HDAC6: variants seen among roughly 807,000 people sequenced by gnomAD.
HDAC6 encodes the protein histone deacetylase 6.
HDAC6 carries 5 observed loss-of-function variants against 88.9 expected under a neutral mutation model. That is an observed-to-expected ratio of 0.06 (90% CI 0.03 to 0.12). HDAC6 has a LOEUF of 0.12. Among genes scored for constraint, HDAC6 ranks in the 10% least tolerant of loss-of-function variants. The pLI is 1.00. For synonymous variants in HDAC6, 378 were observed against 398.0 expected (o/e 0.95, Z 0.60); for missense variants, 706 against 1,014.4 (o/e 0.70, Z 4.13).
intron 14 of HDAC6, 40 bp downstream of exon 14, chrX:48,815,091 G>A (rs2062962080): frequency 1.9e-6 from 2 of 1,061,662 alleles, no homozygotes; most frequent in Non-Finnish European, 2.6e-6. Flanking sequence ...GTGGATCCTG[G>A]AGGGCTTAAG....
At chrX:48,811,564 G>A (rs1412037949) in intron 10 of HDAC6, among the ~76,000 whole-genome samples, 8 of 112,160 alleles carry the variant, frequency 7.1e-5, no homozygotes, top group Non-Finnish European at 1.1e-4. Flanking sequence ...AATGTCCACT[G>A]ACAGGTTGCA....
intron 10 of HDAC6, among the ~76,000 whole-genome samples, chrX:48,812,716 G>A (rs1337538710): frequency 8.9e-6 from 1 of 112,140 alleles, no homozygotes; most frequent in African/African-American, 3.2e-5. Context: ...GGTTGAGGAA[G>A]TAAACCTGTG....
chrX:48,804,316 A>G lies in HDAC6; in HGVS notation c.311+1100A>G, dbSNP rs1452734930. Among the ~76,000 whole-genome samples the G allele has an allele frequency of 2.7e-5, 3 of 109,606 alleles. No individual in the cohort carries two copies. In the Admixed American group the frequency reaches 2.9e-4, roughly 11 times the overall value. On this transcript the variant is annotated intron_variant, in intron 4 of 28. Coordinates refer to ENST00000334136, the MANE Select transcript of HDAC6 (RefSeq NM_006044.4). Reference sequence around the variant, plus strand: ...TCAGCCAATCCTTCTCGCCCACACTACTCCCCTTGTTCTTCCAACATGCCA... The same window carrying G: ...TCAGCCAATCCTTCTCGCCCACACTGCTCCCCTTGTTCTTCCAACATGCCA...
rs147420530 is a variant in HDAC6 at position 48,802,894 on chromosome X, C to T, written c.117C>T (p.Ala39=). Residue 39 remains alanine (A), a synonymous_variant, in exon 3 of 29, where the codon GCC becomes GCT. Coordinates refer to ENST00000334136, the MANE Select transcript of HDAC6 (RefSeq NM_006044.4). ...VTSKRNIKKG[A]VPRSIPNLAE... ...AGAAGCGAAATATTAAAAAGGGAGC[C>T]GTTCCCCGCTCTATCCCCAATCTAG... The T allele has an allele frequency of 1.8e-4, 220 of 1,206,216 alleles. No homozygotes were observed. Among genetic ancestry groups the T allele is most frequent in the Non-Finnish European group, 2.4e-4 (213 of 893,177 alleles).
chrX:48,813,512 C>A lies in HDAC6; in HGVS notation c.807-928C>A, dbSNP rs910616488. The A allele has an allele frequency of 3.6e-5, 4 of 112,154 alleles. No individual in the cohort carries two copies. The Admixed American group carries it at 3.8e-4, about 11-fold the overall frequency. 9.2% of individuals were successfully genotyped at this position (112,154 alleles called of 1,213,427 possible). A position where few individuals can be genotyped will look rare whatever the true frequency, so the allele number is the denominator to read the frequency against. ...TATTTCTTGCATTTCCCTAAAAAAGCTGCCTTAGATCCTCTCTGGAACAAA... is the reference window on the plus strand; with the variant it reads ...TATTTCTTGCATTTCCCTAAAAAAGATGCCTTAGATCCTCTCTGGAACAAA... On this transcript the variant is annotated intron_variant, in intron 10 of 28. Coordinates refer to ENST00000334136, the MANE Select transcript of HDAC6 (RefSeq NM_006044.4).
At chrX:48,817,131 A>C in intron 19 of HDAC6, 195 bp from the exon 20 acceptor site, 1 of 370,462 alleles carries the variant, frequency 2.7e-6, no homozygotes, top group Non-Finnish European at 4.5e-6. Flanking sequence ...AAGCGCCTGT[A>C]GTCCTAGCTA....
chrX:48,807,246 G>T (rs1382364217), intron 8 of HDAC6, among the ~76,000 whole-genome samples: 1 of 111,734 alleles, frequency 8.9e-6, no homozygotes, highest in Non-Finnish European at 1.9e-5. Flanking sequence ...ATGTATCTTG[G>T]AGCCCGGTAG....
At position 48,802,606 on chromosome X, in the gene HDAC6, G is replaced by C. The variant is rs782312874; in HGVS notation, c.-30-57G>C. On this transcript the variant is annotated intron_variant, in intron 1 of 28. Coordinates refer to ENST00000334136, the MANE Select transcript of HDAC6 (RefSeq NM_006044.4). Reference sequence around the variant, plus strand: ...GAGCCTGGAAAAGGGCAGAGAGGTGGGGTCCTCAGGGCACACTAGCCCCCT... The same window carrying C: ...GAGCCTGGAAAAGGGCAGAGAGGTGCGGTCCTCAGGGCACACTAGCCCCCT... 3.6e-5 allele frequency: 42 copies of C among 1,157,815 alleles called. 1 individual carries two copies. In the South Asian group the frequency reaches 6.9e-4, roughly 19 times the overall value.
chrX:48,803,404 C>T (rs2062760796), intron 4 of HDAC6, 188 bp downstream of exon 4: 2 of 426,191 alleles, frequency 4.7e-6, no homozygotes, highest in Admixed American at 4.0e-5. Context: ...CTATTGTGTG[C>T]CAAGAGTTGG....
chrX:48,813,129 G>C (rs182012626), intron 10 of HDAC6, among the ~76,000 whole-genome samples: 1 of 112,061 alleles, frequency 8.9e-6, no homozygotes, highest in African/African-American at 3.2e-5. Flanking sequence ...TGCTGGTCTC[G>C]AACTTCTGGC....
rs2062735283 is a variant in HDAC6, at chrX:48,802,122, C to T, written c.-51C>T. 2 of 883,211 alleles carry T rather than the reference C, an allele frequency of 2.3e-6. No homozygotes were observed. Among genetic ancestry groups the T allele is most frequent in the African/African-American group, 2.2e-5 (1 of 46,388 alleles). 72.8% of individuals were successfully genotyped at this position (883,211 alleles called of 1,213,427 possible). A position where few individuals can be genotyped will look rare whatever the true frequency, so the allele number is the denominator to read the frequency against. ...GCGGGGCTGGTTGAAACGCTAGGGG[C>T]GGGATCTGGCGGAGTGGAAGGTACC... On this transcript the variant is annotated 5_prime_UTR_variant, in exon 1 of 29. Transcript: ENST00000334136.
At chrX:48,811,591 G>A (rs1833471912) in intron 10 of HDAC6, among the ~76,000 whole-genome samples, 1 of 111,845 alleles carries the variant, frequency 8.9e-6, no homozygotes, top group Non-Finnish European at 1.9e-5. Flanking sequence ...GCGAGTGTGG[G>A]CAAGGACCCG....
upstream of HDAC6, chrX:48,801,807 T>A: frequency 1.0e-5 from 10 of 953,713 alleles, no homozygotes; most frequent in Middle Eastern, 7.6e-4. Flanking sequence ...GGAGGCGGGA[T>A]CTGGGCGGGC....
At chrX:48,818,433 C>T in intron 22 of HDAC6, 21 bp downstream of exon 22, 1 of 1,131,646 alleles carries the variant, frequency 8.8e-7, no homozygotes, top group South Asian at 2.1e-5. Flanking sequence ...GGATAGATCG[C>T]AGGACGTATG....
At chrX:48,812,620 T>C (rs2062919917) in intron 10 of HDAC6, among the ~76,000 whole-genome samples, 1 of 112,137 alleles carries the variant, frequency 8.9e-6, no homozygotes, top group Non-Finnish European at 1.9e-5. Context: ...TGAAGTCTCT[T>C]ATTCTCTGAC....
At chrX:48,804,620 A>G (rs1347841166) in intron 4 of HDAC6, among the ~76,000 whole-genome samples, 1 of 112,398 alleles carries the variant, frequency 8.9e-6, no homozygotes, top group African/African-American at 3.2e-5. Flanking sequence ...TGGAATACCT[A>G]TTTACCATCT....
chrX:48,804,090 A>T (rs1275986850), intron 4 of HDAC6, among the ~76,000 whole-genome samples: 3 of 111,602 alleles, frequency 2.7e-5, no homozygotes, highest in African/African-American at 9.8e-5. Context: ...TTGATCTGGG[A>T]GGCGGAGGTT....
intron 4 of HDAC6, 31 bp downstream of exon 4, chrX:48,803,247 AC>A: frequency 9.3e-7 from 1 of 1,078,108 alleles, no homozygotes; most frequent in Non-Finnish European, 1.3e-6. Context: ...CTGTCTCCAA[AC>A]CACAAAAATA....
chrX:48,805,475 G>A lies in HDAC6; in HGVS notation c.349G>A (p.Glu117Lys), dbSNP rs782687727. 14 of 1,208,478 alleles carry A rather than the reference G, an allele frequency of 1.2e-5. No individual in the cohort carries two copies. Among genetic ancestry groups the A allele is most frequent in the Non-Finnish European group, 1.6e-5 (14 of 894,359 alleles). ...EGPERLHAIK[E>K]QLIQEGLLDR... ...CCCTGAGCGGCTCCATGCCATCAAG[G>A]AGCAACTGATCCAGGAGGGCCTCCT... Residue 117 changes from glutamate (E) to lysine (K), a missense_variant, in exon 5 of 29, where the codon GAG (glutamate) becomes AAG (lysine). Physicochemically the swap from Glu to Lys is moderately conservative, Grantham distance 56. Around this residue, in one of 9 missense-constraint regions of HDAC6, gnomAD observed 193 missense variants for 258.2 expected, o/e 0.75. Transcript: ENST00000334136.
Sources: allele counts gnomAD v4.1 joint callset (sites outside exome capture counted in the v4.1 genomes callset), GRCh38; gene constraint gnomAD v4.1.1; regional missense constraint gnomAD v4.1.1; transcripts MANE v1.5; gene names NCBI Gene and HGNC (gene_info 2026-07-23, HGNC 2026-07-21).